Variants in SPTA1 observed in about 807,000 individuals in gnomAD.
The protein encoded by SPTA1 is spectrin alpha chain, erythrocytic 1.
Under a neutral mutation model 324.7 loss-of-function variants are expected in SPTA1, and 177 were observed. That is an observed-to-expected ratio of 0.55 (90% CI 0.48 to 0.62). The LOEUF (loss-of-function observed/expected upper bound fraction) is 0.62. SPTA1 is among the 20% of genes least tolerant of loss of function. The probability of loss-of-function intolerance (pLI) is 0.00; values close to 1 mark genes in which losing one functional copy is unlikely to be tolerated. For missense variants in SPTA1, 3,162 were observed against 2,883.6 expected (o/e 1.10, Z -2.21); for synonymous variants, 1,195 against 1,041.3 (o/e 1.15, Z -2.84).
At chr1:158,677,558 A>T in intron 7 of SPTA1, 132 bp downstream of exon 7, 1 of 1,057,842 alleles carries the variant, frequency 9.5e-7, no homozygotes, top group South Asian at 1.4e-5. Context: ...AGCGTATTCA[A>T]GTGCACACAA....
Position 158,681,658 on chromosome 1 carries a change from C to G in SPTA1, c.400G>C (p.Glu134Gln). Reference sequence around the variant, plus strand: ...AGGTCCCACAGGTGGCGTAGCTCCTCTATATGGGCCTTTAGGAAAGAGGGG... The same window carrying G: ...AGGTCCCACAGGTGGCGTAGCTCCTGTATATGGGCCTTTAGGAAAGAGGGG... ...SAHEETKAHI[E>Q]ELRHLWDLLL... Residue 134 changes from glutamate to glutamine, a missense_variant, in exon 4 of 52, where the codon GAG becomes CAG. By Grantham distance (29) the Glu-to-Gln change is conservative (BLOSUM62 2). Coordinates refer to ENST00000643759, the MANE Select transcript of SPTA1 (RefSeq NM_003126.4). The G allele has an allele frequency of 6.2e-7, 1 of 1,613,636 alleles. No homozygotes were observed. The highest frequency in any genetic ancestry group is 8.5e-7 in the Non-Finnish European group (1 of 1,179,726).
intron 5 of SPTA1, among the ~76,000 whole-genome samples, chr1:158,679,329 G>A (rs1293303466): frequency 6.6e-6 from 1 of 152,016 alleles, no homozygotes; most frequent in African/African-American, 2.4e-5. Flanking sequence ...ATGATAGATT[G>A]GAAAAAATCG....
At chr1:158,664,845 G>C (rs1199752994) in intron 16 of SPTA1, among the ~76,000 whole-genome samples, 1 of 152,128 alleles carries the variant, frequency 6.6e-6, no homozygotes, top group Non-Finnish European at 1.5e-5. Flanking sequence ...CTCTAACGTA[G>C]TGCAGGATGC....
chr1:158,672,351 A>G (rs983329010), intron 10 of SPTA1, among the ~76,000 whole-genome samples, 155 bp from the exon 11 acceptor site: 4 of 152,210 alleles, frequency 2.6e-5, no homozygotes, highest in South Asian at 2.1e-4. Flanking sequence ...TGATTGTACT[A>G]TAGGAAGAAT....
rs1209643854 is a variant in SPTA1 at position 158,645,314 on chromosome 1, G to A, written c.4068C>T (p.Ile1356=). 1.1e-5 allele frequency: 17 copies of A among 1,613,848 alleles called. No homozygotes were observed. The highest frequency in any genetic ancestry group is 1.6e-4 in the Middle Eastern group (1 of 6,082). ...QALEDFSAEL[I]DSGHHASPEI... ...CAGGGCTAGCATGGTGCCCACTGTC[G>A]ATAAGTTCTGCACTGAAGTCCTCTA... Residue 1356 remains isoleucine (I), a synonymous_variant, in exon 29 of 52, where the codon ATC becomes ATT. Coordinates refer to ENST00000643759, the MANE Select transcript of SPTA1 (RefSeq NM_003126.4).
chr1:158,628,664 T>C (rs1486357844), intron 39 of SPTA1, among the ~76,000 whole-genome samples: 2 of 152,286 alleles, frequency 1.3e-5, no homozygotes, highest in East Asian at 1.9e-4. Context: ...TATTTTTATA[T>C]ATGTATACTG....
intron 38 of SPTA1, among the ~76,000 whole-genome samples, chr1:158,635,209 G>T (rs902640623): frequency 1.3e-5 from 2 of 152,172 alleles, no homozygotes; most frequent in African/African-American, 4.8e-5. Flanking sequence ...GAGGGGCCTG[G>T]TGGGAGGTGA....
chr1:158,611,461 T>A, intron 51 of SPTA1, 72 bp from the exon 52 acceptor site: 1 of 1,582,296 alleles, frequency 6.3e-7, no homozygotes. Context: ...GCTTCCCATA[T>A]TACGCCATAA....
chr1:158,674,806 C>T (rs1654291261), intron 8 of SPTA1, 131 bp from the exon 9 acceptor site: 2 of 1,258,810 alleles, frequency 1.6e-6, no homozygotes, highest in Admixed American at 3.6e-5. Flanking sequence ...TCCCTTTTTC[C>T]TGATTATTTC....
rs1225041225 is a variant in SPTA1, at chr1:158,667,987, G to T, written c.1909C>A (p.Leu637Met). The change falls in exon 15 of 52, where the codon CTG (leucine) becomes ATG (methionine). Residue 637 changes from leucine to methionine, a missense_variant. Coordinates refer to ENST00000643759, the MANE Select transcript of SPTA1 (RefSeq NM_003126.4). ...EKELAVNKTQLENIQKTGQEM... is the reference protein window; with the variant it reads ...EKELAVNKTQMENIQKTGQEM... ...TGGCCAGTTTTCTGTATGTTTTCCA[G>T]CTGGGTCTTATTAACTGCCAACTCC... 1 of 1,613,418 alleles carries T rather than the reference G, an allele frequency of 6.2e-7. No individual in the cohort carries two copies. The highest frequency in any genetic ancestry group is 1.3e-5 in the African/African-American group (1 of 74,702).
At position 158,620,209 on chromosome 1, in the gene SPTA1, C is replaced by A. The variant is rs141823269; in HGVS notation, c.6378G>T (p.Val2126=). The A allele has an allele frequency of 3.5e-4, 558 of 1,614,002 alleles. No individual in the cohort carries two copies. Among genetic ancestry groups the A allele is most frequent in the Non-Finnish European group, 4.5e-4 (534 of 1,180,022 alleles). Residue 2126 remains valine, a synonymous_variant, in exon 44 of 52, where the codon GTG becomes GTT. Transcript: ENST00000643759. ...SSPYTWLTVE[V]LERTWKHLSD... is the part of the protein sequence containing the mutation. The stretch of plus-strand genomic sequence containing the variant: ...ATAGGTGCTTCCAGGTCCTTTCCAG[C>A]ACCTCCACTGTTAACCAGGTATAAG...
intron 12 of SPTA1, among the ~76,000 whole-genome samples, chr1:158,670,243 C>T (rs766258451): frequency 2.6e-5 from 4 of 152,226 alleles, no homozygotes; most frequent in African/African-American, 4.8e-5. Context: ...TCTCCAGTTA[C>T]ATAGGAGAAG....
chr1:158,659,890 G>A (rs1160662827), intron 18 of SPTA1, among the ~76,000 whole-genome samples: 3 of 61,370 alleles, frequency 4.9e-5, no homozygotes, highest in Non-Finnish European at 7.9e-5. Context: ...GATTACAGGC[G>A]TGAGCCACCG....
At chr1:158,670,719 AG>A (rs1272602507) in intron 12 of SPTA1, among the ~76,000 whole-genome samples, 1 of 152,192 alleles carries the variant, frequency 6.6e-6, no homozygotes, top group Non-Finnish European at 1.5e-5. Context: ...TTGTAACTTA[AG>A]GCTCACAGGA....
chr1:158,674,164 G>A (rs139643966), intron 10 of SPTA1, among the ~76,000 whole-genome samples, 165 bp downstream of exon 10: 52 of 152,154 alleles, frequency 3.4e-4, no homozygotes, highest in African/African-American at 1.1e-3. Flanking sequence ...GATAATAAGT[G>A]ATAACTGTAT....
chr1:158,650,021 C>A (rs866375141), intron 24 of SPTA1, 74 bp from the exon 25 acceptor site: 4 of 1,015,446 alleles, frequency 3.9e-6, no homozygotes, highest in Non-Finnish European at 6.2e-6. Context: ...GAAGACCAGA[C>A]AAGATTTAAA....
intron 16 of SPTA1, among the ~76,000 whole-genome samples, chr1:158,664,263 G>T (rs1468790082): frequency 6.6e-6 from 1 of 152,076 alleles, no homozygotes; most frequent in Non-Finnish European, 1.5e-5. Flanking sequence ...CAATAGCAAA[G>T]ACTTAAAAGC....
In SPTA1 at chr1:158,613,764, C is replaced by T. The variant is rs1571367873; in HGVS notation, c.6946G>A (p.Glu2316Lys). Residue 2316 changes from glutamate (E) to lysine (K), a missense_variant, in exon 50 of 52, where the codon GAG becomes AAG. By Grantham distance (56) the Glu-to-Lys change is moderately conservative. Coordinates refer to ENST00000643759, the MANE Select transcript of SPTA1 (RefSeq NM_003126.4). ...YLPMVEEDEH[E>K]PKFEKFLDAV... ...TCCAGGAACTTCTCAAACTTGGGCT[C>T]ATGTTCATCCTCCTCCACCATGGGC... 6.2e-7 allele frequency: 1 copy of T among 1,613,900 alleles called. No homozygotes were observed. The highest frequency in any genetic ancestry group is 2.2e-5 in the East Asian group (1 of 44,880).
chr1:158,662,684 T>A lies in SPTA1; in HGVS notation c.2464+18A>T. On this transcript the variant is annotated intron_variant, in intron 17 of 51. Coordinates refer to ENST00000643759, the MANE Select transcript of SPTA1 (RefSeq NM_003126.4). ...TTGGTCCTTTCCTAGTGGCTCAGCC[T>A]GCTCAGGCTGTACTAACCAAGGTAG... 1 of 1,613,522 alleles carries A rather than the reference T, an allele frequency of 6.2e-7. No individual in the cohort carries two copies.
Sources: gnomAD v4.1 joint callset for allele counts (sites outside exome capture counted in the v4.1 genomes callset) on GRCh38, gnomAD v4.1.1 for gene constraint, MANE v1.5 for transcripts, NCBI Gene and HGNC (gene_info 2026-07-23, HGNC 2026-07-21) for gene names.